The following MOB3B variants were observed in gnomAD, a reference collection of about 807,000 sequenced individuals.
MOB3B encodes the protein MOB kinase activator 3B.
In MOB3B, 7 loss-of-function variants were observed where a neutral mutation model predicts 18.7. That is an observed-to-expected ratio of 0.37 (90% confidence interval 0.21 to 0.70). MOB3B has a LOEUF of 0.70. Ranked by LOEUF, MOB3B falls within the 30% of genes least tolerant of loss-of-function variation. The probability of loss-of-function intolerance (pLI) is 0.52; values close to 1 mark genes in which losing one functional copy is unlikely to be tolerated. For synonymous variants in MOB3B, 111 were observed against 99.9 expected (o/e 1.11, Z -0.66); for missense variants, 253 against 281.3 (o/e 0.90, Z 0.72).
chr9:27,449,938 A>T (rs1351280742), intron 2 of MOB3B, among the ~76,000 whole-genome samples: 1 of 150,882 alleles, frequency 6.6e-6, no homozygotes, highest in East Asian at 2.0e-4. Flanking sequence ...AGATCATGCC[A>T]TTGCACTCCA....
At chr9:27,406,416 C>G (rs1821978713) in intron 2 of MOB3B, among the ~76,000 whole-genome samples, 1 of 152,118 alleles carries the variant, frequency 6.6e-6, no homozygotes, top group South Asian at 2.1e-4. Context: ...ACCACAAAAC[C>G]TGGAATAGCC....
rs551173774 is a variant in MOB3B, at chr9:27,524,222, C to T, written c.-199+5333G>A. The T allele has an allele frequency of 1.4e-3, 1,326 of 969,648 alleles. 8 individuals carry two copies. The highest frequency in any genetic ancestry group is 2.8e-3 in the East Asian group (89 of 31,668). 60.1% of individuals were successfully genotyped at this position (969,648 alleles called of 1,614,324 possible). A position where few individuals can be genotyped will look rare whatever the true frequency, so the allele number is the denominator to read the frequency against. ...GCAACCTTGGTTAACTGTGAAATGA[C>T]GAATGAGAAAACTCCTCCTGCTGAA... On this transcript the variant is annotated intron_variant, in intron 1 of 3. Transcript: ENST00000262244.
intron 2 of MOB3B, among the ~76,000 whole-genome samples, chr9:27,443,587 C>T (rs1822628649): frequency 6.6e-6 from 1 of 152,068 alleles, no homozygotes; most frequent in Non-Finnish European, 1.5e-5. Context: ...TCACTTTTTC[C>T]CTCTTCCTGA....
intron 2 of MOB3B, among the ~76,000 whole-genome samples, chr9:27,402,388 GA>G (rs1430570851): frequency 6.6e-6 from 1 of 152,204 alleles, no homozygotes; most frequent in African/African-American, 2.4e-5. Context: ...TTCACAGATA[GA>G]AGGTGTTCTA....
intron 3 of MOB3B, among the ~76,000 whole-genome samples, chr9:27,335,592 T>A (rs1820852098): frequency 6.6e-6 from 1 of 152,096 alleles, no homozygotes; most frequent in Non-Finnish European, 1.5e-5. Context: ...TCTAGACTCT[T>A]CTCAGGCACT....
intron 2 of MOB3B, among the ~76,000 whole-genome samples, chr9:27,423,728 T>C (rs1822289225): frequency 6.6e-6 from 1 of 152,206 alleles, no homozygotes; most frequent in Admixed American, 6.5e-5. Flanking sequence ...TACAATGCCT[T>C]CATATGGCAG....
chr9:27,437,826 G>A (rs1822534929), intron 2 of MOB3B, among the ~76,000 whole-genome samples: 1 of 152,198 alleles, frequency 6.6e-6, no homozygotes, highest in South Asian at 2.1e-4. Context: ...GTTAAAAAAT[G>A]TACTGATGTG....
chr9:27,418,104 A>AAAAAAAAAAAAAAAAAAAAAAAAAT (rs1822182752), intron 2 of MOB3B, among the ~76,000 whole-genome samples: 1 of 149,892 alleles, frequency 6.7e-6, no homozygotes, highest in Non-Finnish European at 1.5e-5. Flanking sequence ...AAAAAAAAAA[A>AAAAAAAAAAAAAAAAAAAAAAAAAT]AAAAAAAAGT....
At chr9:27,408,498 C>G (rs1447614257) in intron 2 of MOB3B, among the ~76,000 whole-genome samples, 1 of 152,150 alleles carries the variant, frequency 6.6e-6, no homozygotes, top group East Asian at 1.9e-4. Flanking sequence ...CCTCTTGGAC[C>G]TGGGACATTA....
intron 1 of MOB3B, among the ~76,000 whole-genome samples, chr9:27,463,567 G>A (rs971283835): frequency 9.9e-5 from 15 of 152,126 alleles, no homozygotes; most frequent in Admixed American, 6.5e-4. Flanking sequence ...GAAACTTCGC[G>A]GTCTAGATTC....
chr9:27,367,785 T>A lies in MOB3B; in HGVS notation c.419-8549A>T, dbSNP rs577866192. Among the ~76,000 whole-genome samples the A allele has an allele frequency of 2.6e-5, 4 of 152,274 alleles. No homozygotes were observed. The East Asian group carries it at 7.7e-4, about 29-fold the overall frequency. On this transcript the variant is annotated intron_variant, in intron 2 of 3. Coordinates refer to ENST00000262244, the MANE Select transcript of MOB3B (RefSeq NM_024761.5). ...CTCTTCTCCAAAGGATAAACTCTTC[T>A]TGGAAAGTATACTTGGAAGACATGT...
chr9:27,336,700 T>C (rs1397895416), intron 3 of MOB3B, among the ~76,000 whole-genome samples: 2 of 152,116 alleles, frequency 1.3e-5, no homozygotes, highest in Non-Finnish European at 2.9e-5. Flanking sequence ...GGATGTTTAA[T>C]GGTGGCTACT....
At chr9:27,519,447 T>C (rs527878625) in intron 1 of MOB3B, among the ~76,000 whole-genome samples, 1 of 152,316 alleles carries the variant, frequency 6.6e-6, no homozygotes, top group Non-Finnish European at 1.5e-5. Flanking sequence ...TATAATCCTG[T>C]ATTGCCAATT....
chr9:27,421,740 C>T (rs940895398), intron 2 of MOB3B: 3 of 152,274 alleles, frequency 2.0e-5, no homozygotes, highest in Non-Finnish European at 4.4e-5. Flanking sequence ...AATGTGGTTC[C>T]ACCCCAGAAC....
intron 1 of MOB3B, among the ~76,000 whole-genome samples, chr9:27,459,707 T>A (rs1360780984): frequency 6.6e-6 from 1 of 152,204 alleles, no homozygotes; most frequent in Admixed American, 6.5e-5. Flanking sequence ...GACTGACTTG[T>A]ATAGCCCAGC....
chr9:27,449,382 A>G (rs906311133), intron 2 of MOB3B, among the ~76,000 whole-genome samples: 15 of 152,134 alleles, frequency 9.9e-5, no homozygotes, highest in African/African-American at 3.6e-4. Context: ...TTTTTCAGCA[A>G]CTCTTATGTC....
intron 3 of MOB3B, among the ~76,000 whole-genome samples, chr9:27,354,492 T>G (rs1821155824): frequency 6.6e-6 from 1 of 152,226 alleles, no homozygotes; most frequent in African/African-American, 2.4e-5. Context: ...CCCTGCTCTC[T>G]GTCTTATTTT....
intron 1 of MOB3B, among the ~76,000 whole-genome samples, chr9:27,489,656 C>T (rs545170529): frequency 1.3e-5 from 2 of 150,228 alleles, no homozygotes; most frequent in East Asian, 3.9e-4. Flanking sequence ...GCTTCCAGGG[C>T]ACTGGAGCTA....
intron 2 of MOB3B, among the ~76,000 whole-genome samples, chr9:27,414,701 G>T (rs748754497): frequency 3.3e-5 from 5 of 152,200 alleles, no homozygotes; most frequent in East Asian, 1.9e-4. Flanking sequence ...AACACAAGGT[G>T]ACACGGTCAT....
Sources: allele counts gnomAD v4.1 joint callset (sites outside exome capture counted in the v4.1 genomes callset), GRCh38; gene constraint gnomAD v4.1.1; transcripts MANE v1.5; gene names NCBI Gene and HGNC (gene_info 2026-07-23, HGNC 2026-07-21).